GDE1: variants seen among roughly 807,000 people sequenced by gnomAD.
The protein encoded by GDE1 is RGS16-interacting membrane protein.
GDE1 carries 24 observed loss-of-function variants against 32.2 expected under a neutral mutation model. That is an observed-to-expected ratio of 0.75 (90% confidence interval 0.54 to 1.05). The LOEUF (loss-of-function observed/expected upper bound fraction) is 1.05, where lower values mean the gene tolerates loss of function less well. Ranked by LOEUF, GDE1 falls within the 50% of genes least tolerant of loss-of-function variation. The pLI is 0.00. For missense variants in GDE1, 380 were observed against 415.0 expected, an observed-to-expected ratio of 0.92 and a Z score of 0.73; for synonymous variants, 159 against 158.6, an observed-to-expected ratio of 1.00 and a Z score of -0.02.
chr16:19,512,749 G>A (rs1969333425), intron 2 of GDE1, among the ~76,000 whole-genome samples: 1 of 152,074 alleles, frequency 6.6e-6, no homozygotes, highest in South Asian at 2.1e-4. Context: ...GTGAGAGATA[G>A]GGGTCTAGTT....
chr16:19,521,467 A>G (rs1969452307), intron 1 of GDE1: 1 of 559,114 alleles, frequency 1.8e-6, no homozygotes, highest in African/African-American at 1.9e-5. Flanking sequence ...TCCTGGCTGT[A>G]TGTAACCTTA....
At chr16:19,512,110 T>C (rs561122621) in intron 2 of GDE1, among the ~76,000 whole-genome samples, 7 of 152,200 alleles carry the variant, frequency 4.6e-5, no homozygotes, top group Non-Finnish European at 1.0e-4. Context: ...GATTGTATGG[T>C]AGTTCTATAT....
chr16:19,519,473 T>TATATAC (rs1491583827), intron 1 of GDE1, among the ~76,000 whole-genome samples: 109 of 146,134 alleles, frequency 7.5e-4, no homozygotes, highest in Middle Eastern at 3.6e-3. Context: ...TATATATATA[T>TATATAC]ACATACACAA....
At chr16:19,508,171 G>C (rs757319457) in intron 3 of GDE1, among the ~76,000 whole-genome samples, 2 of 152,116 alleles carry the variant, frequency 1.3e-5, no homozygotes, top group Non-Finnish European at 2.9e-5. Context: ...AATGAAACAT[G>C]AGCCAGCCAG....
chr16:19,522,049 A>T lies in GDE1; in HGVS notation c.-85T>A, dbSNP rs1399225426. 2.9e-5 allele frequency: 40 copies of T among 1,384,662 alleles called. No homozygotes were observed. The Admixed American group carries it at 1.0e-3, about 35-fold the overall frequency. 85.8% of individuals were successfully genotyped at this position (1,384,662 alleles called of 1,614,324 possible). A position where few individuals can be genotyped will look rare whatever the true frequency, so the allele number is the denominator to read the frequency against. On this transcript the variant is annotated 5_prime_UTR_variant, in exon 1 of 6. Coordinates refer to ENST00000353258, the MANE Select transcript of GDE1 (RefSeq NM_016641.4). ...GAACGAGAAGCGAGGGGGAGGGTCCAAGGCACCGGCAGCAGCAGGAACCCT... is the reference window on the plus strand; with the variant it reads ...GAACGAGAAGCGAGGGGGAGGGTCCTAGGCACCGGCAGCAGCAGGAACCCT...
Position 19,506,494 on chromosome 16 carries a change from C to CA in GDE1, c.636+1192dup, listed in dbSNP as rs533763264. ...GCAAAACCCCGTCTCTACTAAAATA[C>CA]AAAAAAAATTAGCCAGGCATGGTGG... On this transcript the variant is annotated intron_variant, in intron 4 of 5. Transcript: ENST00000353258. Among the ~76,000 whole-genome samples, 18 of 151,822 alleles carry CA rather than the reference C, an allele frequency of 1.2e-4. No individual in the cohort carries two copies. In the South Asian group the frequency reaches 3.5e-3, roughly 30 times the overall value.
At chr16:19,518,165 G>A (rs1969405581) in intron 1 of GDE1, among the ~76,000 whole-genome samples, 1 of 152,030 alleles carries the variant, frequency 6.6e-6, no homozygotes, top group African/African-American at 2.4e-5. Flanking sequence ...TGGGATTACA[G>A]GTGTGAGCCA....
chr16:19,511,057 T>C, intron 2 of GDE1, 113 bp from the exon 3 acceptor site: 2 of 558,276 alleles, frequency 3.6e-6, no homozygotes, highest in Non-Finnish European at 6.4e-6. Context: ...TTTCTCCAAC[T>C]TCCTTTTTTC....
In GDE1 at chr16:19,520,754, G is replaced by A. The variant is rs114204957; in HGVS notation, c.261+950C>T. 9.6e-3 allele frequency among the ~76,000 whole-genome samples: 1,445 copies of A among 150,692 alleles called. 29 individuals are homozygous for A. The highest frequency in any genetic ancestry group is 0.034 in the African/African-American group (1,375 of 40,986). On this transcript the variant is annotated intron_variant, in intron 1 of 5. Transcript: ENST00000353258. Reference sequence around the variant, plus strand: ...AAAAAAAAAAAAGAAGAAGAAGGAAGGAAGAAGAGAGAGAAAAATAAAAAA... The same window carrying A: ...AAAAAAAAAAAAGAAGAAGAAGGAAAGAAGAAGAGAGAGAAAAATAAAAAA...
Position 19,517,111 on chromosome 16 carries a change from T to C in GDE1, c.340A>G (p.Asn114Asp), listed in dbSNP as rs775841784. The C allele has an allele frequency of 6.2e-7, 1 of 1,613,866 alleles. No individual in the cohort carries two copies. Among genetic ancestry groups the C allele is most frequent in the South Asian group, 1.1e-5 (1 of 91,074 alleles). ...SDGIPVLMHDNTVDRTTDGTG... is the reference protein window; with the variant it reads ...SDGIPVLMHDDTVDRTTDGTG... Reference sequence around the variant, plus strand: ...CCATCAGTCGTCCTATCTACTGTGTTATCGTGCATTAAGACAGGAATCCCG... The same window carrying C: ...CCATCAGTCGTCCTATCTACTGTGTCATCGTGCATTAAGACAGGAATCCCG... The change falls in exon 2 of 6, where the codon AAC (asparagine) becomes GAC (aspartate). Residue 114 changes from asparagine (N) to aspartate (D), a missense_variant. Coordinates refer to ENST00000353258, the MANE Select transcript of GDE1 (RefSeq NM_016641.4).
intron 2 of GDE1, among the ~76,000 whole-genome samples, chr16:19,513,927 A>T (rs1969348999): frequency 6.6e-6 from 1 of 152,236 alleles, no homozygotes; most frequent in Admixed American, 6.5e-5. Context: ...GGTGGTGCCC[A>T]AGACATTTTT....
At chr16:19,520,726 T>TAA (rs761557296) in intron 1 of GDE1, among the ~76,000 whole-genome samples, 6 of 54,112 alleles carry the variant, frequency 1.1e-4, no homozygotes, top group East Asian at 5.5e-4. Context: ...CTCTGTAAAG[T>TAA]AAAAAAAAAA....
intron 5 of GDE1, chr16:19,503,975 TATTA>T (rs1367441305): frequency 5.8e-6 from 1 of 172,694 alleles, no homozygotes; most frequent in Non-Finnish European, 1.2e-5. Context: ...ATTGAAAGAA[TATTA>T]ATTTTCTTTC....
At chr16:19,505,383 T>G (rs2072087) in intron 4 of GDE1, among the ~76,000 whole-genome samples, 1 of 152,128 alleles carries the variant, frequency 6.6e-6, no homozygotes, top group Admixed American at 6.6e-5. Context: ...AATAATGTCA[T>G]GAGAATAAAC....
intron 1 of GDE1, among the ~76,000 whole-genome samples, chr16:19,519,103 G>A (rs1969416560): frequency 6.6e-6 from 1 of 152,136 alleles, no homozygotes; most frequent in South Asian, 2.1e-4. Flanking sequence ...TAGCAAGCTG[G>A]GGCCTATGGA....
Position 19,517,078 on chromosome 16 carries a change from G to A in GDE1, c.373C>T (p.Arg125Ter), listed in dbSNP as rs777419553. The A allele has an allele frequency of 3.1e-6, 5 of 1,613,976 alleles. No individual in the cohort carries two copies. In the South Asian group the frequency reaches 3.3e-5, roughly 11 times the overall value. Residue 125 changes from arginine to a stop codon, truncating the protein, a stop_gained, in exon 2 of 6, where the codon CGA (arginine) becomes TGA (stop). Coordinates refer to ENST00000353258, the MANE Select transcript of GDE1 (RefSeq NM_016641.4). LOFTEE classifies it high-confidence loss of function. ...TVDRTTDGTG[R>*]LCDLTFEQIR... ...TGTTCAAATGTCAAATCACACAATC[G>A]CCCAGTCCCATCAGTCGTCCTATCT...
Position 19,503,578 on chromosome 16 carries a change from A to G in GDE1, c.888T>C (p.Val296=), listed in dbSNP as rs1192655474. Residue 296 remains valine, a synonymous_variant, in exon 6 of 6, where the codon GTT becomes GTC. Transcript: ENST00000353258. The stretch of plus-strand genomic sequence containing the variant: ...CAAAGGTATTAACAGTCCAACCAAC[A>G]ACCTGGATTCCTTTAGCTGACCACT... The part of the protein sequence containing the change: ...LKKWSAKGIQ[V]VGWTVNTFDE... 3.7e-6 allele frequency: 6 copies of G among 1,613,732 alleles called. No individual in the cohort carries two copies. Among genetic ancestry groups the G allele is most frequent in the Non-Finnish European group, 5.1e-6 (6 of 1,179,726 alleles).
intron 4 of GDE1, among the ~76,000 whole-genome samples, chr16:19,507,000 G>A (rs111470548): frequency 0.023 from 3,529 of 151,752 alleles, 154 homozygotes; most frequent in African/African-American, 0.08. Flanking sequence ...TTAGCTGGGC[G>A]TGGTGACGTG....
In GDE1 at chr16:19,503,228, G is replaced by A. The variant is rs1002975674; in HGVS notation, c.*242C>T. ...TGTGCCTCAGCTAGGGCAGGGCAGGGGCTCTTGTGCGTTTTTTCAGACCCA... is the reference window on the plus strand; with the variant it reads ...TGTGCCTCAGCTAGGGCAGGGCAGGAGCTCTTGTGCGTTTTTTCAGACCCA... On this transcript the variant is annotated 3_prime_UTR_variant, in exon 6 of 6. Transcript: ENST00000353258. 2.0e-5 allele frequency: 10 copies of A among 506,528 alleles called. No homozygotes were observed. Among genetic ancestry groups the A allele is most frequent in the African/African-American group, 1.9e-4 (10 of 52,400 alleles). The allele number at this position is 506,528 out of a possible 1,614,324, so 31.4% of individuals were successfully genotyped here. A position where few individuals can be genotyped will look rare whatever the true frequency, so the allele number is the denominator to read the frequency against.
Sources: gnomAD v4.1 joint callset for allele counts (sites outside exome capture counted in the v4.1 genomes callset) on GRCh38, gnomAD v4.1.1 for gene constraint, MANE v1.5 for transcripts, NCBI Gene and HGNC (gene_info 2026-07-23, HGNC 2026-07-21) for gene names.